Variants in DPYD observed in about 807,000 individuals in gnomAD.
The protein encoded by DPYD is dihydropyrimidine dehydrogenase [NADP(+)].
Under a neutral mutation model 116.2 loss-of-function variants are expected in DPYD, and 109 were observed. That is an observed-to-expected ratio of 0.94 (90% confidence interval 0.80 to 1.10). The LOEUF (loss-of-function observed/expected upper bound fraction) is 1.10, where lower values mean the gene tolerates loss of function less well. DPYD is among the 50% of genes least tolerant of loss of function. The pLI, the probability that DPYD is intolerant of heterozygous loss-of-function variation, is 0.00. For missense variants in DPYD, 1,302 were observed against 1,254.5 expected, an observed-to-expected ratio of 1.04 and a Z score of -0.57; for synonymous variants, 440 against 432.0, an observed-to-expected ratio of 1.02 and a Z score of -0.23.
rs71071641 is a variant in DPYD at position 97,264,162 on chromosome 1, G to GTTTT, written c.2300-29172_2300-29169dup. ...TTCTGAATCTTAATAGCAAAATTCT[G>GTTTT]TTTTTTTTTTTTTTTTTTTTTTTTT... On this transcript the variant is annotated intron_variant, in intron 18 of 22. Coordinates refer to ENST00000370192, the MANE Select transcript of DPYD (RefSeq NM_000110.4). Among the ~76,000 whole-genome samples the GTTTT allele has an allele frequency of 2.0e-3, 118 of 60,062 alleles. 4 individuals are homozygous for GTTTT. The highest frequency in any genetic ancestry group is 2.9e-3 in the African/African-American group (60 of 20,560). 39.4% of individuals were successfully genotyped at this position (60,062 alleles called of 152,430 possible). A position where few individuals can be genotyped will look rare whatever the true frequency, so the allele number is the denominator to read the frequency against.
intron 1 of DPYD, among the ~76,000 whole-genome samples, chr1:97,885,270 G>T (rs149463158): frequency 5.7e-4 from 86 of 151,964 alleles, no homozygotes; most frequent in African/African-American, 1.9e-3. Context: ...GAGATCCACA[G>T]AGAACTATCA....
At chr1:97,185,302 G>C (rs910376585) in intron 20 of DPYD, among the ~76,000 whole-genome samples, 1 of 152,210 alleles carries the variant, frequency 6.6e-6, no homozygotes, top group African/African-American at 2.4e-5. Flanking sequence ...ATATGTACTA[G>C]AATAGCTGAA....
Position 97,416,878 on chromosome 1 carries a change from C to T in DPYD, c.1905+33181G>A, listed in dbSNP as rs140389825. ...ATGTGCAGCCTTAAGGATTAGTTGT[C>T]AGCATTTACCCTCAAATAAAATATA... On this transcript the variant is annotated intron_variant, in intron 14 of 22. Transcript: ENST00000370192. 8.0e-3 allele frequency among the ~76,000 whole-genome samples: 1,215 copies of T among 152,234 alleles called. 9 individuals carry two copies. Among genetic ancestry groups the T allele is most frequent in the Non-Finnish European group, 0.012 (848 of 68,004 alleles).
intron 10 of DPYD, among the ~76,000 whole-genome samples, chr1:97,576,742 A>G (rs115810978): frequency 0.013 from 1,997 of 152,308 alleles, 23 homozygotes; most frequent in Middle Eastern, 0.024. Context: ...ATGTATTCAA[A>G]TATCTGGCAT....
chr1:97,219,034 T>C (rs953756525), intron 19 of DPYD, among the ~76,000 whole-genome samples: 8 of 152,148 alleles, frequency 5.3e-5, no homozygotes, highest in African/African-American at 7.2e-5. Flanking sequence ...AGAAGAAAGA[T>C]AGTAATCATC....
At chr1:97,845,172 AC>A (rs1006528338) in intron 2 of DPYD, among the ~76,000 whole-genome samples, 4 of 152,160 alleles carry the variant, frequency 2.6e-5, no homozygotes, top group African/African-American at 7.2e-5. Context: ...GTGAAGCCCC[AC>A]CTTCAAGCCA....
chr1:97,646,674 T>C (rs1257875505), intron 8 of DPYD, among the ~76,000 whole-genome samples: 2 of 152,112 alleles, frequency 1.3e-5, no homozygotes, highest in Non-Finnish European at 2.9e-5. Context: ...AAATTTTCTG[T>C]AGTATTTTTC....
chr1:97,401,893 C>A (rs1311827617), intron 14 of DPYD, among the ~76,000 whole-genome samples: 2 of 152,088 alleles, frequency 1.3e-5, no homozygotes, highest in Non-Finnish European at 2.9e-5. Flanking sequence ...ATGTATTCTC[C>A]ACTGAAGTGT....
chr1:97,480,718 C>T (rs946710319), intron 13 of DPYD, among the ~76,000 whole-genome samples: 5 of 152,158 alleles, frequency 3.3e-5, no homozygotes, highest in Non-Finnish European at 7.3e-5. Context: ...CGGTGGCTCA[C>T]GCCTGTAATC....
intron 4 of DPYD, 93 bp downstream of exon 4, chr1:97,740,299 T>A: frequency 9.4e-7 from 1 of 1,068,280 alleles, no homozygotes. Flanking sequence ...TTTAACTGGA[T>A]TTGCTAAGAC....
chr1:97,702,785 T>C (rs1661673231), intron 5 of DPYD, among the ~76,000 whole-genome samples: 1 of 151,960 alleles, frequency 6.6e-6, no homozygotes, highest in Non-Finnish European at 1.5e-5. Flanking sequence ...ATACACAATA[T>C]GTATGTATTT....
chr1:97,385,830 C>T (rs1463007460), intron 14 of DPYD, among the ~76,000 whole-genome samples: 3 of 152,136 alleles, frequency 2.0e-5, no homozygotes, highest in African/African-American at 7.2e-5. Flanking sequence ...CAAGTAGGGA[C>T]TAACACTGTT....
intron 20 of DPYD, among the ~76,000 whole-genome samples, chr1:97,116,269 T>G (rs996249601): frequency 4.9e-4 from 74 of 152,244 alleles, no homozygotes; most frequent in African/African-American, 1.7e-3. Context: ...CCCTATTCAA[T>G]GAGCACACCC....
intron 14 of DPYD, among the ~76,000 whole-genome samples, chr1:97,385,142 G>T (rs910578659): frequency 4.6e-5 from 7 of 151,660 alleles, no homozygotes; most frequent in African/African-American, 1.7e-4. Context: ...GATGCTTTCC[G>T]CCCTTTCCAA....
chr1:97,538,263 A>G (rs1253460402), intron 12 of DPYD, among the ~76,000 whole-genome samples: 2 of 152,190 alleles, frequency 1.3e-5, no homozygotes, highest in Non-Finnish European at 2.9e-5. Flanking sequence ...ATTTCTCTTC[A>G]AACCAAAACC....
chr1:97,744,460 AAAAC>A (rs1664437846), intron 3 of DPYD, among the ~76,000 whole-genome samples: 1 of 152,040 alleles, frequency 6.6e-6, no homozygotes, highest in Non-Finnish European at 1.5e-5. Context: ...TAATAATAAA[AAAAC>A]ACATACACAC....
intron 12 of DPYD, among the ~76,000 whole-genome samples, chr1:97,530,131 C>T (rs1649490815): frequency 6.6e-6 from 1 of 150,910 alleles, no homozygotes; most frequent in Admixed American, 6.6e-5. Context: ...TCTATCCATT[C>T]TTTCACAAAC....
chr1:97,618,966 T>C (rs1244021848), intron 8 of DPYD, among the ~76,000 whole-genome samples: 4 of 152,226 alleles, frequency 2.6e-5, no homozygotes, highest in African/African-American at 9.6e-5. Context: ...GCAGTAACAG[T>C]AAGTAATCTT....
At chr1:97,698,201 T>A (rs1057197208) in intron 6 of DPYD, among the ~76,000 whole-genome samples, 5 of 151,994 alleles carry the variant, frequency 3.3e-5, no homozygotes, top group African/African-American at 1.2e-4. Context: ...GTTATTTATG[T>A]TTCATGCCCA....
Sources: gnomAD v4.1 joint callset for allele counts (sites outside exome capture counted in the v4.1 genomes callset) on GRCh38, gnomAD v4.1.1 for gene constraint, MANE v1.5 for transcripts, NCBI Gene and HGNC (gene_info 2026-07-23, HGNC 2026-07-21) for gene names.